The following SEPTIN7 variants were observed in gnomAD, a reference collection of about 807,000 sequenced individuals.
SEPTIN7 encodes the protein septin-7.
In SEPTIN7, 10 loss-of-function variants were observed where a neutral mutation model predicts 63.3. That is an observed-to-expected ratio of 0.16 (90% CI 0.10 to 0.27). SEPTIN7 has a LOEUF of 0.27. Among genes scored for constraint, SEPTIN7 ranks in the 10% least tolerant of loss-of-function variants. The pLI, the probability that SEPTIN7 is intolerant of heterozygous loss-of-function variation, is 1.00. For synonymous variants in SEPTIN7, 131 were observed against 165.3 expected, an observed-to-expected ratio of 0.79 and a Z score of 1.59; for missense variants, 310 against 521.0, an observed-to-expected ratio of 0.59 and a Z score of 3.94.
chr7:35,805,577 C>G (rs760449447), intron 1 of SEPTIN7, among the ~76,000 whole-genome samples: 3 of 152,194 alleles, frequency 2.0e-5, no homozygotes, highest in Non-Finnish European at 4.4e-5. Flanking sequence ...AACAGACTGT[C>G]ATGCTAAAGT....
rs2116218174 is a variant in SEPTIN7 at position 35,872,786 on chromosome 7, A to G, written c.377+20A>G. On this transcript the variant is annotated intron_variant, in intron 5 of 13. Transcript: ENST00000350320. Reference sequence around the variant, plus strand: ...TAATTGGTAAGAAGGGTTTGTCCTCACAACTTTGCAGTGCATTTGGGGTAC... The same window carrying G: ...TAATTGGTAAGAAGGGTTTGTCCTCGCAACTTTGCAGTGCATTTGGGGTAC... 2.6e-6 allele frequency: 4 copies of G among 1,550,392 alleles called. No individual in the cohort carries two copies. The East Asian group carries it at 9.0e-5, about 35-fold the overall frequency.
At chr7:35,831,587 C>T in intron 2 of SEPTIN7, 91 bp downstream of exon 2, 1 of 350,004 alleles carries the variant, frequency 2.9e-6, no homozygotes, top group Non-Finnish European at 5.5e-6. Context: ...CCAAGGAAAC[C>T]TTAGGTTTAA....
chr7:35,906,522 T>G lies in SEPTIN7; in HGVS notation c.*2229T>G, dbSNP rs563144455. 4.6e-5 allele frequency: 7 copies of G among 152,374 alleles called. No homozygotes were observed. The highest frequency in any genetic ancestry group is 2.1e-4 in the South Asian group (1 of 4,826). 9.4% of individuals were successfully genotyped at this position (152,374 alleles called of 1,614,324 possible). Reference sequence around the variant, plus strand: ...CCACTGTTGGAGGCATTATGTAATTTAAGTATCCTGTTAGCCACTGTCTTT... The same window carrying G: ...CCACTGTTGGAGGCATTATGTAATTGAAGTATCCTGTTAGCCACTGTCTTT... On this transcript the variant is annotated 3_prime_UTR_variant, in exon 14 of 14. Coordinates refer to ENST00000350320, the MANE Select transcript of SEPTIN7 (RefSeq NM_001788.6).
chr7:35,902,896 G>A (rs1233378042), intron 12 of SEPTIN7, 180 bp from the exon 13 acceptor site: 7 of 891,036 alleles, frequency 7.9e-6, no homozygotes, highest in Non-Finnish European at 1.1e-5. Context: ...GGCCTTTTGG[G>A]TGGCAGGTCC....
At chr7:35,885,740 T>G in intron 9 of SEPTIN7, 88 bp from the exon 10 acceptor site, 1 of 1,016,274 alleles carries the variant, frequency 9.8e-7, no homozygotes, top group Non-Finnish European at 1.5e-6. Flanking sequence ...CTCTTCTTGT[T>G]TTTACACCCC....
At position 35,832,068 on chromosome 7, in the gene SEPTIN7, AT is replaced by A. The variant is rs140538483; in HGVS notation, c.66+575del. 2,367 of 453,602 alleles carry A rather than the reference AT, an allele frequency of 5.2e-3. 25 individuals are homozygous for A. The highest frequency in any genetic ancestry group is 4.7e-3 in the Non-Finnish European group (1,066 of 225,784). The allele number at this position is 453,602 out of a possible 1,614,324, so 28.1% of individuals were successfully genotyped here. On this transcript the variant is annotated intron_variant, in intron 2 of 13. Coordinates refer to ENST00000350320, the MANE Select transcript of SEPTIN7 (RefSeq NM_001788.6). ...GAAGTCAGACTTATTTACTACACCA[AT>A]TTGGAAGTAGATTTCTTTCAGTTAC...
At chr7:35,910,333 T>A (rs1788719507), downstream of SEPTIN7, among the ~76,000 whole-genome samples, 1 of 152,362 alleles carries the variant, frequency 6.6e-6, no homozygotes, top group East Asian at 1.9e-4. Context: ...CCCATTTAGC[T>A]GACTTTCTGG....
At chr7:35,851,914 A>C (rs1296674823) in intron 3 of SEPTIN7, among the ~76,000 whole-genome samples, 1 of 152,068 alleles carries the variant, frequency 6.6e-6, no homozygotes, top group Non-Finnish European at 1.5e-5. Flanking sequence ...CTTTTTACTT[A>C]TTTTGAGGCC....
intron 3 of SEPTIN7, among the ~76,000 whole-genome samples, chr7:35,834,197 CTG>C (rs1357642869): frequency 2.0e-5 from 3 of 152,032 alleles, no homozygotes; most frequent in Admixed American, 6.5e-5. Context: ...AAGTGACAAA[CTG>C]TAGACAAATA....
chr7:35,813,674 C>T (rs922537092), intron 1 of SEPTIN7, among the ~76,000 whole-genome samples: 1 of 152,130 alleles, frequency 6.6e-6, no homozygotes, highest in African/African-American at 2.4e-5. Flanking sequence ...TGCACTCGGC[C>T]AATATTAGTA....
intron 4 of SEPTIN7, among the ~76,000 whole-genome samples, chr7:35,868,811 A>T (rs1202247962): frequency 6.6e-6 from 1 of 152,244 alleles, no homozygotes; most frequent in African/African-American, 2.4e-5. Flanking sequence ...TCCCTAGAAC[A>T]TATTGAGAAA....
At chr7:35,880,223 C>CTTTT in intron 7 of SEPTIN7, among the ~76,000 whole-genome samples, 70 of 72,738 alleles carry the variant, frequency 9.6e-4, no homozygotes, top group East Asian at 2.0e-3. Flanking sequence ...TTTTTCTTTT[C>CTTTT]TTTTTTTTTT....
chr7:35,850,516 T>C (rs1784908306), intron 3 of SEPTIN7, among the ~76,000 whole-genome samples: 1 of 152,180 alleles, frequency 6.6e-6, no homozygotes, highest in South Asian at 2.1e-4. Flanking sequence ...TAAAAATCCT[T>C]TGCTTTCTTT....
intron 4 of SEPTIN7, among the ~76,000 whole-genome samples, chr7:35,868,790 A>T (rs369011455): frequency 6.6e-5 from 10 of 152,296 alleles, no homozygotes; most frequent in African/African-American, 2.4e-4. Context: ...CTAAAATGGA[A>T]ATTAATCAGT....
At chr7:35,816,735 A>G (rs1249645684) in intron 1 of SEPTIN7, among the ~76,000 whole-genome samples, 1 of 152,060 alleles carries the variant, frequency 6.6e-6, no homozygotes, top group Non-Finnish European at 1.5e-5. Flanking sequence ...TCTTGTCCAT[A>G]CTTGTTATTG....
intron 10 of SEPTIN7, among the ~76,000 whole-genome samples, chr7:35,887,671 C>T (rs1003428483): frequency 6.6e-6 from 1 of 152,134 alleles, no homozygotes; most frequent in Non-Finnish European, 1.5e-5. Context: ...TTTGAATATT[C>T]GAAGGTTCAC....
At position 35,832,814 on chromosome 7, in the gene SEPTIN7, A is replaced by G. The variant is rs1222918980; in HGVS notation, c.83A>G (p.Glu28Gly). The G allele has an allele frequency of 6.8e-6, 11 of 1,609,084 alleles. No homozygotes were observed. Among genetic ancestry groups the G allele is most frequent in the Non-Finnish European group, 9.4e-6 (11 of 1,175,646 alleles). Residue 28 changes from glutamate to glycine, a missense_variant, in exon 3 of 14, where the codon GAA becomes GGA. Glu to Gly is a moderately conservative substitution (Grantham distance 98, BLOSUM62 -2). Transcript: ENST00000350320. ...TTTTGTCAGCAACAGAAGAACCTTG[A>G]AGGCTATGTGGGATTTGCCAATCTC... is the stretch of plus-strand genomic sequence containing the variant. ...STMVAQQKNL[E>G]GYVGFANLPN...
At chr7:35,880,223 C>CTTTTTTTTTTTTTTTTTTTTTATTTT in intron 7 of SEPTIN7, among the ~76,000 whole-genome samples, 5 of 72,774 alleles carry the variant, frequency 6.9e-5, no homozygotes, top group African/African-American at 1.8e-4. Flanking sequence ...TTTTTCTTTT[C>CTTTTTTTTTTTTTTTTTTTTTATTTT]TTTTTTTTTT....
At chr7:35,827,231 G>A (rs896836494) in intron 1 of SEPTIN7, among the ~76,000 whole-genome samples, 1 of 152,132 alleles carries the variant, frequency 6.6e-6, no homozygotes, top group East Asian at 1.9e-4. Flanking sequence ...TAAAGACCTA[G>A]GGGTATTTTT....
Sources: gnomAD v4.1 joint callset for allele counts (sites outside exome capture counted in the v4.1 genomes callset) on GRCh38, gnomAD v4.1.1 for gene constraint, MANE v1.5 for transcripts, NCBI Gene and HGNC (gene_info 2026-07-23, HGNC 2026-07-21) for gene names.